The following ZSCAN5C variants were observed in gnomAD, a reference collection of about 807,000 sequenced individuals.
The protein encoded by ZSCAN5C is zinc finger and SCAN domain containing 5C.
Under a neutral mutation model 17.3 loss-of-function variants are expected in ZSCAN5C, and 11 were observed. The observed-to-expected ratio is 0.64, with a 90% CI of 0.40 to 1.06. The LOEUF (loss-of-function observed/expected upper bound fraction) is 1.06, where lower values mean the gene tolerates loss of function less well. ZSCAN5C is among the 50% of genes least tolerant of loss of function. ZSCAN5C has a pLI of 0.00. For synonymous variants in ZSCAN5C, 229 were observed against 208.4 expected, an observed-to-expected ratio of 1.10 and a Z score of -0.85; for missense variants, 698 against 538.9, an observed-to-expected ratio of 1.30 and a Z score of -2.92.
rs538025264 is a variant in ZSCAN5C at position 56,208,564 on chromosome 19, C to A, written c.855C>A (p.Ser285Arg). ...TGGAGAGAGAAGCTTCGACTCACAG[C>A]GGGAGCAGAGGAGACGCTCTGAATC... is the stretch of plus-strand genomic sequence containing the variant. The change falls in exon 5 of 5, where the codon AGC becomes AGA. Residue 285 changes from serine to arginine, a missense_variant. Ser to Arg is a moderately radical substitution (Grantham distance 110). This residue lies in a region of ZSCAN5C where 554 missense variants were observed against 390.5 expected (regional missense o/e 1.42). Transcript: ENST00000534327. 6.5e-5 allele frequency: 103 copies of A among 1,591,504 alleles called. 2 individuals carry two copies. The Admixed American group carries it at 1.1e-3, about 17-fold the overall frequency.
exon 5 of ZSCAN5C, chr19:56,208,922 A>G (rs1568592129): frequency 1.2e-6 from 2 of 1,613,058 alleles, no homozygotes; most frequent in East Asian, 2.2e-5. Flanking sequence ...TCACCAGCGA[A>G]CCCACACTGG....
chr19:56,208,230 TGG>T (rs1347426739), intron 4 of ZSCAN5C, 46 bp downstream of exon 4: 1 of 728,018 alleles, frequency 1.4e-6, no homozygotes, highest in East Asian at 2.4e-5. Context: ...CCCTCTCTTC[TGG>T]GGTGTGGGGC....
chr19:56,207,119 GA>G lies in ZSCAN5C; in HGVS notation c.447del (p.Ala150ProfsTer20). ...GCAGGAATCAGATGTGGAGATGGCTGAAGCCCCCGCCAGTGTCAGAGATGAT... is the reference window on the plus strand; with the variant it reads ...GCAGGAATCAGATGTGGAGATGGCTGAGCCCCCGCCAGTGTCAGAGATGAT... On this transcript the variant is annotated frameshift_variant, in exon 3 of 5. Transcript: ENST00000534327. LOFTEE classifies it high-confidence loss of function. The G allele has an allele frequency of 2.6e-6, 2 of 758,216 alleles. No homozygotes were observed. The highest frequency in any genetic ancestry group is 4.9e-6 in the Non-Finnish European group (2 of 409,824). 47.0% of individuals were successfully genotyped at this position (758,216 alleles called of 1,614,324 possible).
downstream of ZSCAN5C, chr19:56,209,244 A>C (rs1475258944): frequency 1.6e-6 from 1 of 642,014 alleles, no homozygotes; most frequent in Non-Finnish European, 2.8e-6. Flanking sequence ...AGTGTGAATG[A>C]AGATTTTTCA....
Position 56,207,351 on chromosome 19 carries a change from G to A in ZSCAN5C, c.588+89G>A, listed in dbSNP as rs545495391. 116 of 636,990 alleles carry A rather than the reference G, an allele frequency of 1.8e-4. 2 individuals are homozygous for A. Among genetic ancestry groups the A allele is most frequent in the African/African-American group, 1.5e-3 (83 of 55,010 alleles). 39.5% of individuals were successfully genotyped at this position (636,990 alleles called of 1,614,324 possible). ...GCCACTGGACTGATTGAGAGATTTG[G>A]CACAGGACAAGATTACAGCCATTCC... On this transcript the variant is annotated intron_variant, in intron 3 of 4. Transcript: ENST00000534327.
chr19:56,207,329 A>G (rs9807807), intron 3 of ZSCAN5C, 67 bp downstream of exon 3: 79,650 of 677,578 alleles, frequency 0.12, 5,930 homozygotes, highest in African/African-American at 0.21. Flanking sequence ...TCGTGTGGCC[A>G]CTGGACTGAT....
rs989897044 is a variant in ZSCAN5C at position 56,207,153 on chromosome 19, A to G, written c.479A>G (p.His160Arg). ...GCCAGTGTCAGAGATGATCCGAGAC[A>G]CGTGTCCAGCCAGCGGACCTCCTCT... Residue 160 changes from histidine (H) to arginine (R), a missense_variant, in exon 3 of 5, where the codon CAC becomes CGC. By Grantham distance (29) the His-to-Arg change is conservative (BLOSUM62 0). This residue lies in a region of ZSCAN5C where 554 missense variants were observed against 390.5 expected (regional missense o/e 1.42). Transcript: ENST00000534327. 1.2e-5 allele frequency: 9 copies of G among 778,616 alleles called. No homozygotes were observed. In the East Asian group the frequency reaches 1.7e-4, roughly 15 times the overall value. 48.2% of individuals were successfully genotyped at this position (778,616 alleles called of 1,614,324 possible).
At chr19:56,208,540 G>A (rs915421995) in exon 5 of ZSCAN5C, 5 of 1,589,388 alleles carry the variant, frequency 3.1e-6, no homozygotes, top group African/African-American at 1.4e-5. Context: ...CCTGCGTTGT[G>A]GAGAGAGAAG....
chr19:56,205,726 T>G, intron 1 of ZSCAN5C, 61 bp from the exon 2 acceptor site: 1 of 559,984 alleles, frequency 1.8e-6, no homozygotes, highest in Non-Finnish European at 3.2e-6. Flanking sequence ...ATGAGGGATT[T>G]GGAAGGATGG....
intron 1 of ZSCAN5C, among the ~76,000 whole-genome samples, chr19:56,202,729 T>C (rs2032884504): frequency 6.6e-6 from 1 of 151,610 alleles, no homozygotes; most frequent in South Asian, 2.1e-4. Context: ...AAATGTTTAA[T>C]TTTTTTTGTA....
chr19:56,206,405 C>G, intron 2 of ZSCAN5C, 108 bp downstream of exon 2: 1 of 1,425,082 alleles, frequency 7.0e-7, no homozygotes. Context: ...TCAGGGCTTC[C>G]AAGTAGAGGA....
chr19:56,207,394 C>T (rs376562511), intron 3 of ZSCAN5C, 132 bp downstream of exon 3: 1 of 575,888 alleles, frequency 1.7e-6, no homozygotes. Context: ...CATGGTACAT[C>T]CCCAAACATT....
chr19:56,203,442 G>A (rs2032890771), intron 1 of ZSCAN5C, among the ~76,000 whole-genome samples: 1 of 151,694 alleles, frequency 6.6e-6, no homozygotes, highest in Admixed American at 6.6e-5. Context: ...TGGTCATGAG[G>A]ATGCTTAAAG....
At chr19:56,207,925 A>G in intron 3 of ZSCAN5C, 109 bp from the exon 4 acceptor site, 1 of 620,122 alleles carries the variant, frequency 1.6e-6, no homozygotes. Flanking sequence ...AGTGAAAACC[A>G]CCACACCTGT....
chr19:56,207,606 C>T (rs1390671012), intron 3 of ZSCAN5C, among the ~76,000 whole-genome samples: 3 of 151,886 alleles, frequency 2.0e-5, no homozygotes, highest in Non-Finnish European at 4.4e-5. Flanking sequence ...GAACTCACCT[C>T]CTACAGATTG....
exon 3 of ZSCAN5C, chr19:56,207,205 C>G: frequency 1.3e-6 from 1 of 777,976 alleles, no homozygotes. Context: ...CGGAGGAAGG[C>G]CAGGCCAGCC....
Position 56,208,501 on chromosome 19 carries a change from G to C in ZSCAN5C, c.792G>C (p.Val264=), listed in dbSNP as rs532797321. The C allele has an allele frequency of 9.2e-4, 1,432 of 1,552,146 alleles. 3 individuals carry two copies. The highest frequency in any genetic ancestry group is 1.8e-3 in the African/African-American group (129 of 73,086). Residue 264 remains valine (V), a synonymous_variant, in exon 5 of 5, where the codon GTG becomes GTC. Coordinates refer to ENST00000534327, the Ensembl canonical transcript of ZSCAN5C. ...AGGAACCCCAAAAAAGAGCCTCTGT[G>C]GAAAATGTGGATGCTGACACACCTT...
At chr19:56,206,175 G>C in exon 2 of ZSCAN5C, 1 of 1,599,664 alleles carries the variant, frequency 6.3e-7, no homozygotes, top group Non-Finnish European at 8.5e-7. Flanking sequence ...GGACATGCTG[G>C]TGATGGAGCA....
rs1240610654 is a variant in ZSCAN5C, at chr19:56,208,459, G to C, written c.750G>C (p.Val250=). Residue 250 remains valine, a synonymous_variant, in exon 5 of 5, where the codon GTG becomes GTC. Transcript: ENST00000534327. The stretch of plus-strand genomic sequence containing the variant: ...AATCCCTTCTTCCAGCAGGGGTGGT[G>C]GGAGCAAAGGAGGGGAAGGAACCCC... 2.2e-6 allele frequency: 3 copies of C among 1,371,372 alleles called. No homozygotes were observed. The South Asian group carries it at 3.5e-5, about 16-fold the overall frequency. 85.0% of individuals were successfully genotyped at this position (1,371,372 alleles called of 1,614,324 possible). A position where few individuals can be genotyped will look rare whatever the true frequency, so the allele number is the denominator to read the frequency against.
Sources: gnomAD v4.1 joint callset for allele counts (sites outside exome capture counted in the v4.1 genomes callset) on GRCh38, gnomAD v4.1.1 for gene constraint, gnomAD v4.1.1 regional missense constraint, MANE v1.5 for transcripts, NCBI Gene and HGNC (gene_info 2026-07-23, HGNC 2026-07-21) for gene names.